The following TSHZ2 variants were observed in gnomAD, a reference collection of about 807,000 sequenced individuals.
TSHZ2 encodes the protein teashirt homolog 2.
TSHZ2 carries 21 observed loss-of-function variants against 74.4 expected under a neutral mutation model. The ratio of observed to expected loss-of-function variants is 0.28; its 90% CI spans 0.20 to 0.41. The LOEUF is 0.41. TSHZ2 is among the 10% of genes least tolerant of loss of function. The pLI, the probability that TSHZ2 is intolerant of heterozygous loss-of-function variation, is 1.00. For synonymous variants in TSHZ2, 540 were observed against 515.3 expected (o/e 1.05, Z -0.65); for missense variants, 1,244 against 1,293.5 (o/e 0.96, Z 0.59).
chr20:53,294,622 C>T (rs1395011167), intron 2 of TSHZ2, among the ~76,000 whole-genome samples: 1 of 152,142 alleles, frequency 6.6e-6, no homozygotes, highest in South Asian at 2.1e-4. Flanking sequence ...TTCAGGTTCT[C>T]CTCAGCTCCT....
intron 1 of TSHZ2, among the ~76,000 whole-genome samples, chr20:53,024,382 G>A (rs1983359593): frequency 6.6e-6 from 1 of 150,804 alleles, no homozygotes. Context: ...CCAGGCATAC[G>A]TGATAACAGG....
intron 1 of TSHZ2, among the ~76,000 whole-genome samples, chr20:53,085,208 CA>C (rs1222862996): frequency 1.4e-4 from 21 of 151,770 alleles, no homozygotes; most frequent in African/African-American, 4.8e-4. Context: ...ACTAAAAATA[CA>C]AAAAAATCAG....
chr20:53,026,754 A>G (rs562054138), intron 1 of TSHZ2, among the ~76,000 whole-genome samples: 7 of 152,314 alleles, frequency 4.6e-5, no homozygotes, highest in Non-Finnish European at 1.0e-4. Flanking sequence ...AGTATGTACT[A>G]TTTTGTAATA....
intron 2 of TSHZ2, among the ~76,000 whole-genome samples, chr20:53,485,568 G>A (rs1299311656): frequency 6.6e-6 from 1 of 152,094 alleles, no homozygotes; most frequent in East Asian, 1.9e-4. Context: ...AATTAGCTGG[G>A]CATGGTGATG....
intron 1 of TSHZ2, among the ~76,000 whole-genome samples, chr20:53,147,303 C>T (rs1292658451): frequency 6.6e-6 from 1 of 152,146 alleles, no homozygotes; most frequent in Admixed American, 6.5e-5. Flanking sequence ...GCTCAGCTTT[C>T]TTTTCATCCC....
chr20:53,422,658 A>G (rs1267899714), intron 2 of TSHZ2, among the ~76,000 whole-genome samples: 1 of 152,154 alleles, frequency 6.6e-6, no homozygotes. Context: ...GCCTCTCATT[A>G]CCACCTGCAC....
At chr20:53,448,552 A>G (rs74952703) in intron 2 of TSHZ2, among the ~76,000 whole-genome samples, 12,623 of 152,254 alleles carry the variant, frequency 0.083, 621 homozygotes, top group South Asian at 0.23. Context: ...AACCATAAAC[A>G]TCAGTTCTAT....
chr20:52,972,849 G>C lies in TSHZ2; in HGVS notation c.-445G>C, dbSNP rs1168694135. On this transcript the variant is annotated 5_prime_UTR_variant, in exon 1 of 3. Transcript: ENST00000371497. ...GCCTTTTTTTTTTCCTTATCTTTAC[G>C]CGCGAGTGTGCCTGTGGCGCGTGTG... 3 of 205,248 alleles carry C rather than the reference G, an allele frequency of 1.5e-5. No homozygotes were observed. The highest frequency in any genetic ancestry group is 2.9e-5 in the Non-Finnish European group (3 of 105,118). The allele number at this position is 205,248 out of a possible 1,614,324, so 12.7% of individuals were successfully genotyped here.
At chr20:53,287,304 G>A (rs1991186517) in intron 2 of TSHZ2, among the ~76,000 whole-genome samples, 1 of 152,048 alleles carries the variant, frequency 6.6e-6, no homozygotes, top group African/African-American at 2.4e-5. Context: ...TCTCTTGCTG[G>A]TCTTTCCCAC....
At chr20:53,376,447 T>C (rs140791983) in intron 2 of TSHZ2, among the ~76,000 whole-genome samples, 2 of 152,332 alleles carry the variant, frequency 1.3e-5, no homozygotes, top group African/African-American at 4.8e-5. Flanking sequence ...GTCTGACTTC[T>C]TGGGGCCTCA....
intron 2 of TSHZ2, among the ~76,000 whole-genome samples, chr20:53,385,933 A>T (rs1982027644): frequency 1.3e-5 from 2 of 152,200 alleles, no homozygotes; most frequent in Admixed American, 1.3e-4. Flanking sequence ...TCCGGACACA[A>T]AGATGATGTC....
At chr20:53,019,694 A>G (rs1253760745) in intron 1 of TSHZ2, among the ~76,000 whole-genome samples, 1 of 152,090 alleles carries the variant, frequency 6.6e-6, no homozygotes, top group Admixed American at 6.6e-5. Flanking sequence ...CAAGTTGCCT[A>G]CTTCCTCCAA....
intron 1 of TSHZ2, among the ~76,000 whole-genome samples, chr20:53,187,152 T>TGG (rs565288138): frequency 1.2e-3 from 186 of 152,268 alleles, no homozygotes; most frequent in African/African-American, 4.4e-3. Context: ...GCCGCACGTC[T>TGG]GGGGGCTACA....
intron 1 of TSHZ2, among the ~76,000 whole-genome samples, chr20:53,103,971 C>T (rs900356949): frequency 6.6e-6 from 1 of 152,174 alleles, no homozygotes; most frequent in Non-Finnish European, 1.5e-5. Flanking sequence ...ATCTGATGGA[C>T]TTTTAATGAC....
rs1279061244 is a variant in TSHZ2, at chr20:53,489,015, A to C, written c.*1880A>C. The C allele has an allele frequency of 3.5e-5, 16 of 456,126 alleles. No homozygotes were observed. Among genetic ancestry groups the C allele is most frequent in the Non-Finnish European group, 6.6e-5 (15 of 226,972 alleles). 28.3% of individuals were successfully genotyped at this position (456,126 alleles called of 1,614,324 possible). On this transcript the variant is annotated 3_prime_UTR_variant, in exon 3 of 3. Coordinates refer to ENST00000371497, the MANE Select transcript of TSHZ2 (RefSeq NM_173485.6). ...GAATGTCATTCTGAAGTAATGAGGC[A>C]TGGACAGAAAATATACCCCTCACAT...
chr20:53,445,707 C>A (rs1984521554), intron 2 of TSHZ2, among the ~76,000 whole-genome samples: 1 of 152,182 alleles, frequency 6.6e-6, no homozygotes, highest in African/African-American at 2.4e-5. Context: ...TGCAAACTGG[C>A]CAGTCTCCAG....
intron 1 of TSHZ2, among the ~76,000 whole-genome samples, chr20:53,002,033 G>A (rs946043291): frequency 6.6e-6 from 1 of 152,178 alleles, no homozygotes; most frequent in Non-Finnish European, 1.5e-5. Flanking sequence ...ACCCAGGGAG[G>A]AAAATCTAAG....
intron 1 of TSHZ2, among the ~76,000 whole-genome samples, chr20:53,069,110 C>T (rs1215857007): frequency 6.6e-6 from 1 of 152,090 alleles, no homozygotes; most frequent in African/African-American, 2.4e-5. Context: ...GCCCATAATC[C>T]TCTGTGGAAT....
chr20:53,424,436 T>G lies in TSHZ2; in HGVS notation c.*9-62708T>G, dbSNP rs199628147. On this transcript the variant is annotated intron_variant, in intron 2 of 2. Transcript: ENST00000371497. ...ATATCCCGGATGACCATTATTTGCA[T>G]GTGTTTTTAAAAAGTAGATATGTCT... Among the ~76,000 whole-genome samples the G allele has an allele frequency of 1.3e-4, 20 of 152,362 alleles. No individual in the cohort carries two copies. In the East Asian group the frequency reaches 3.9e-3, roughly 29 times the overall value.
Sources: allele counts gnomAD v4.1 joint callset (sites outside exome capture counted in the v4.1 genomes callset), GRCh38; gene constraint gnomAD v4.1.1; transcripts MANE v1.5; gene names NCBI Gene and HGNC (gene_info 2026-07-23, HGNC 2026-07-21).